PKNOX1: variants seen among roughly 807,000 people sequenced by gnomAD.
PKNOX1 encodes homeobox protein PKNOX1.
A neutral mutation model predicts 51.9 loss-of-function variants in PKNOX1; 15 were observed. That is an observed-to-expected ratio of 0.29 (90% confidence interval 0.19 to 0.45). The LOEUF (loss-of-function observed/expected upper bound fraction) is 0.45. Ranked by LOEUF, PKNOX1 falls within the 20% of genes least tolerant of loss-of-function variation. The pLI is 1.00. For missense variants in PKNOX1, 462 were observed against 547.5 expected (o/e 0.84, Z 1.56); for synonymous variants, 219 against 211.1 (o/e 1.04, Z -0.32).
intron 1 of PKNOX1, among the ~76,000 whole-genome samples, chr21:42,984,735 G>A (rs2059043013): frequency 1.3e-5 from 2 of 151,912 alleles, no homozygotes; most frequent in African/African-American, 4.8e-5. Context: ...ATGTTGTGGA[G>A]CCTTTTGAGT....
chr21:42,985,405 G>A (rs1457891303), intron 1 of PKNOX1, among the ~76,000 whole-genome samples: 5 of 152,116 alleles, frequency 3.3e-5, no homozygotes, highest in Non-Finnish European at 7.4e-5. Flanking sequence ...AGTGATCTTG[G>A]CTCACTGCAG....
chr21:43,016,415 T>G (rs2146280261), intron 5 of PKNOX1, among the ~76,000 whole-genome samples: 1 of 152,310 alleles, frequency 6.6e-6, no homozygotes, highest in African/African-American at 2.4e-5. Context: ...AGAGTCAAGG[T>G]GGGTGCCAGG....
At chr21:42,995,952 T>C (rs879870573) in intron 1 of PKNOX1, among the ~76,000 whole-genome samples, 1 of 152,054 alleles carries the variant, frequency 6.6e-6, no homozygotes, top group South Asian at 2.1e-4. Flanking sequence ...TTATTAAAGT[T>C]AGCAAGGCAC....
rs1256928957 is a variant in PKNOX1, at chr21:43,033,213, G to A, written c.*3112G>A. ...TTTGCGCTTTGATTCCAGATAGTAA[G>A]ATGAGTGGAAGTGTTTATCGAGCAT... On this transcript the variant is annotated 3_prime_UTR_variant, in exon 11 of 11. Coordinates refer to ENST00000291547, the MANE Select transcript of PKNOX1 (RefSeq NM_004571.5). 6.6e-6 allele frequency: 1 copy of A among 152,130 alleles called. No individual in the cohort carries two copies. Among genetic ancestry groups the A allele is most frequent in the Non-Finnish European group, 1.5e-5 (1 of 68,032 alleles). 9.4% of individuals were successfully genotyped at this position (152,130 alleles called of 1,614,324 possible). A position where few individuals can be genotyped will look rare whatever the true frequency, so the allele number is the denominator to read the frequency against.
chr21:43,021,169 G>A lies in PKNOX1; in HGVS notation c.721-134G>A, dbSNP rs1979735351. The A allele has an allele frequency of 6.2e-6, 4 of 642,002 alleles. No individual in the cohort carries two copies. The South Asian group carries it at 8.1e-5, about 13-fold the overall frequency. The allele number at this position is 642,002 out of a possible 1,614,324, so 39.8% of individuals were successfully genotyped here. A position where few individuals can be genotyped will look rare whatever the true frequency, so the allele number is the denominator to read the frequency against. On this transcript the variant is annotated intron_variant, in intron 7 of 10. Transcript: ENST00000291547. The surrounding 1 kb of genome is among the most constrained non-coding windows in gnomAD (Gnocchi z 4.6). ...TGTCCTGAAACATCAGTCCACACAGGGTTCCCGTGCATGGGCCTCGACTAC... is the reference window on the plus strand; with the variant it reads ...TGTCCTGAAACATCAGTCCACACAGAGTTCCCGTGCATGGGCCTCGACTAC...
At chr21:43,023,088 G>A (rs1313775955) in intron 8 of PKNOX1, among the ~76,000 whole-genome samples, 2 of 151,888 alleles carry the variant, frequency 1.3e-5, no homozygotes, top group Admixed American at 6.6e-5. Context: ...CCTCACCCTC[G>A]TTTCTTGGCA....
At chr21:43,007,701 T>C (rs1285381820) in intron 3 of PKNOX1, 83 bp downstream of exon 3, 2 of 1,489,204 alleles carry the variant, frequency 1.3e-6, no homozygotes, top group Non-Finnish European at 1.9e-6. Context: ...CCAGAACTAG[T>C]AGCGAGGCAG....
At chr21:42,996,976 G>A (rs138681578) in intron 1 of PKNOX1, among the ~76,000 whole-genome samples, 78 of 151,958 alleles carry the variant, frequency 5.1e-4, no homozygotes, top group African/African-American at 1.6e-3. Context: ...TGCCTCCCAG[G>A]TTCAAGTGAT....
At chr21:42,981,044 A>G (rs554716583) in intron 1 of PKNOX1, among the ~76,000 whole-genome samples, 1 of 152,344 alleles carries the variant, frequency 6.6e-6, no homozygotes, top group Non-Finnish European at 1.5e-5. Context: ...AAAGCCTAAC[A>G]GTGTGTGTCC....
At position 42,979,765 on chromosome 21, in the gene PKNOX1, G is replaced by T. The variant is rs2059017499; in HGVS notation, c.-57+5101G>T. Among the ~76,000 whole-genome samples the T allele has an allele frequency of 2.0e-5, 3 of 152,016 alleles. No individual in the cohort carries two copies. The East Asian group carries it at 5.8e-4, about 29-fold the overall frequency. On this transcript the variant is annotated intron_variant, in intron 1 of 10. Coordinates refer to ENST00000291547, the MANE Select transcript of PKNOX1 (RefSeq NM_004571.5). ...TCAGAAAAAAAGAAAAAAGAAAAAT[G>T]AGGTGCTTATAGTCTGTTGAATCTA... is the stretch of plus-strand genomic sequence containing the variant.
intron 1 of PKNOX1, among the ~76,000 whole-genome samples, chr21:43,001,540 G>A (rs562222817): frequency 6.6e-6 from 1 of 152,154 alleles, no homozygotes; most frequent in Non-Finnish European, 1.5e-5. Context: ...CTGTCCCATG[G>A]CAGTTCTTCA....
At chr21:42,975,140 G>C (rs1489340051) in intron 1 of PKNOX1, among the ~76,000 whole-genome samples, 1 of 144,996 alleles carries the variant, frequency 6.9e-6, no homozygotes, top group Non-Finnish European at 1.5e-5. Context: ...GGCGGCGCGC[G>C]TGGGGCCGGT....
At chr21:42,975,340 C>T (rs2058989422) in intron 1 of PKNOX1, among the ~76,000 whole-genome samples, 1 of 151,712 alleles carries the variant, frequency 6.6e-6, no homozygotes, top group South Asian at 2.1e-4. Context: ...GGCGCCGGCG[C>T]GGGAGCAGCC....
chr21:43,008,658 A>G (rs962920194), intron 3 of PKNOX1, among the ~76,000 whole-genome samples: 9 of 152,288 alleles, frequency 5.9e-5, no homozygotes, highest in African/African-American at 1.9e-4. Flanking sequence ...GCATGCCTGT[A>G]GTCCCAGCTA....
intron 1 of PKNOX1, among the ~76,000 whole-genome samples, chr21:43,001,386 C>T (rs1352814106): frequency 6.6e-6 from 1 of 152,200 alleles, no homozygotes; most frequent in East Asian, 1.9e-4. Context: ...CTCTCCTGCT[C>T]ATTGGCAGCA....
chr21:42,974,726 C>T (rs914872850), intron 1 of PKNOX1, 62 bp downstream of exon 1: 3 of 165,788 alleles, frequency 1.8e-5, no homozygotes, highest in Non-Finnish European at 3.7e-5. Context: ...CCGTCCCTAT[C>T]AATCACACCG....
intron 9 of PKNOX1, among the ~76,000 whole-genome samples, chr21:43,027,710 G>C (rs1257280441): frequency 6.6e-6 from 1 of 152,040 alleles, no homozygotes; most frequent in African/African-American, 2.4e-5. Context: ...ACAAGGTGAA[G>C]AGATCGAGAC....
chr21:42,982,173 GCAGGGCTACCTGGCC>G (rs1469839349), intron 1 of PKNOX1, among the ~76,000 whole-genome samples: 1 of 152,186 alleles, frequency 6.6e-6, no homozygotes. Flanking sequence ...CTTGGGTGTT[GCAGGGCTACCTGGCC>G]CAGGGAGTGG....
At chr21:42,992,944 G>A (rs1411048964) in intron 1 of PKNOX1, among the ~76,000 whole-genome samples, 2 of 142,306 alleles carry the variant, frequency 1.4e-5, no homozygotes, top group South Asian at 2.3e-4. Flanking sequence ...TCTCCTTTAT[G>A]TCATTAGGGG....
Sources: allele counts gnomAD v4.1 joint callset (sites outside exome capture counted in the v4.1 genomes callset), GRCh38; gene constraint gnomAD v4.1.1; non-coding constraint Gnocchi (gnomAD v3.1); transcripts MANE v1.5; gene names NCBI Gene and HGNC (gene_info 2026-07-23, HGNC 2026-07-21).